The following ANK3 variants were observed in gnomAD, a reference collection of about 807,000 sequenced individuals.
The protein encoded by ANK3 is ankyrin-3.
In ANK3, 57 loss-of-function variants were observed where a neutral mutation model predicts 370.9. That is an observed-to-expected ratio of 0.15 (90% CI 0.12 to 0.19). The LOEUF (loss-of-function observed/expected upper bound fraction) is 0.19, where lower values mean the gene tolerates loss of function less well. Among genes scored for constraint, ANK3 ranks in the 10% least tolerant of loss-of-function variants. ANK3 has a pLI of 1.00. For synonymous variants in ANK3, 1,929 were observed against 1,946.3 expected, an observed-to-expected ratio of 0.99 and a Z score of 0.23; for missense variants, 4,439 against 5,302.1, an observed-to-expected ratio of 0.84 and a Z score of 5.06.
intron 2 of ANK3, among the ~76,000 whole-genome samples, chr10:60,443,304 C>CGT (rs1353433626): frequency 2.0e-5 from 3 of 151,288 alleles, no homozygotes; most frequent in East Asian, 1.9e-4. Context: ...TGTGTGTGTG[C>CGT]GTGTGTGTGT....
chr10:60,208,775 T>C (rs1048102799), intron 9 of ANK3, among the ~76,000 whole-genome samples: 2 of 152,342 alleles, frequency 1.3e-5, no homozygotes, highest in Admixed American at 6.5e-5. Context: ...TTGAAGACTA[T>C]ACTGATTTGA....
At chr10:60,705,131 G>T (rs74717140) in intron 1 of ANK3, among the ~76,000 whole-genome samples, 1 of 152,040 alleles carries the variant, frequency 6.6e-6, no homozygotes. Context: ...AATATTAAAG[G>T]CTGAGATTTC....
chr10:60,576,539 G>A (rs1036786701), intron 2 of ANK3, among the ~76,000 whole-genome samples: 18 of 152,124 alleles, frequency 1.2e-4, no homozygotes, highest in Non-Finnish European at 2.2e-4. Flanking sequence ...AAAACAAAAC[G>A]AAGCAACAAC....
At chr10:60,677,733 T>C (rs1371819270) in intron 1 of ANK3, among the ~76,000 whole-genome samples, 2 of 145,890 alleles carry the variant, frequency 1.4e-5, no homozygotes, top group Non-Finnish European at 3.0e-5. Flanking sequence ...AAGCTGTTTC[T>C]CACAACCTCA....
At chr10:60,272,693 T>C (rs2098016642) in intron 4 of ANK3, among the ~76,000 whole-genome samples, 1 of 152,112 alleles carries the variant, frequency 6.6e-6, no homozygotes, top group African/African-American at 2.4e-5. Flanking sequence ...TTGGCCAGGA[T>C]GGCCTTGATC....
At chr10:60,662,507 A>G (rs1191788950) in intron 1 of ANK3, among the ~76,000 whole-genome samples, 5 of 152,166 alleles carry the variant, frequency 3.3e-5, no homozygotes, top group African/African-American at 1.2e-4. Flanking sequence ...AATCCTAACA[A>G]TCTAACCTAC....
At chr10:60,150,237 T>C (rs1333699231) in intron 23 of ANK3, among the ~76,000 whole-genome samples, 1 of 152,142 alleles carries the variant, frequency 6.6e-6, no homozygotes, top group Non-Finnish European at 1.5e-5. Context: ...TCTGCACCCT[T>C]GTCCCCACTC....
intron 1 of ANK3, among the ~76,000 whole-genome samples, chr10:60,685,903 A>G (rs2079261424): frequency 6.6e-6 from 1 of 152,230 alleles, no homozygotes. Context: ...ATATAAACAT[A>G]TAAATAGAAT....
At chr10:60,454,382 C>T (rs555415467) in intron 2 of ANK3, among the ~76,000 whole-genome samples, 1 of 152,114 alleles carries the variant, frequency 6.6e-6, no homozygotes, top group Non-Finnish European at 1.5e-5. Flanking sequence ...TCCTATCCAC[C>T]GACTGCCCTC....
chr10:60,309,485 T>G (rs927973327), intron 1 of ANK3, among the ~76,000 whole-genome samples: 2 of 152,180 alleles, frequency 1.3e-5, no homozygotes, highest in South Asian at 4.1e-4. Context: ...ATTTTGAAAA[T>G]GTAATGAACT....
intron 26 of ANK3, among the ~76,000 whole-genome samples, chr10:60,109,760 C>T (rs1282951484): frequency 6.6e-6 from 1 of 152,202 alleles, no homozygotes; most frequent in South Asian, 2.1e-4. Context: ...CTGTCATTGG[C>T]CTTTTATTAA....
At chr10:60,555,424 G>T (rs2077184422) in intron 2 of ANK3, among the ~76,000 whole-genome samples, 1 of 152,030 alleles carries the variant, frequency 6.6e-6, no homozygotes, top group Non-Finnish European at 1.5e-5. Flanking sequence ...AGTGGGCCAT[G>T]ATGGAGCCAC....
intron 17 of ANK3, among the ~76,000 whole-genome samples, chr10:60,186,099 A>T (rs966787719): frequency 1.3e-5 from 2 of 152,222 alleles, no homozygotes; most frequent in African/African-American, 4.8e-5. Flanking sequence ...AAAACGGATG[A>T]GCAAGGAGCA....
At chr10:60,660,791 G>C (rs2078925629) in intron 1 of ANK3, among the ~76,000 whole-genome samples, 1 of 152,066 alleles carries the variant, frequency 6.6e-6, no homozygotes. Flanking sequence ...GGGAGCATTA[G>C]AGGCCAATAA....
intron 2 of ANK3, among the ~76,000 whole-genome samples, chr10:60,494,578 C>T (rs567041701): frequency 5.3e-5 from 8 of 152,142 alleles, no homozygotes; most frequent in South Asian, 2.1e-4. Context: ...ATATAGTTTG[C>T]GGTAAATATT....
chr10:60,454,778 G>T (rs2064704330), intron 2 of ANK3, among the ~76,000 whole-genome samples: 1 of 152,158 alleles, frequency 6.6e-6, no homozygotes, highest in Non-Finnish European at 1.5e-5. Flanking sequence ...TGGGCTTGAA[G>T]CGCTAATTGA....
rs1015863760 is a variant in ANK3 at position 60,029,625 on chromosome 10, G to A, written c.*221C>T. ...ATTGCACACGCGCCAATCCGGAAAT[G>A]AAAGTGATTTCCATGCTCTGTAAAT... On this transcript the variant is annotated 3_prime_UTR_variant, in exon 44 of 44. Coordinates refer to ENST00000280772, the MANE Select transcript of ANK3 (RefSeq NM_020987.5). 1 of 152,540 alleles carries A rather than the reference G, an allele frequency of 6.6e-6. No individual in the cohort carries two copies. The allele number at this position is 152,540 out of a possible 1,614,324, so 9.4% of individuals were successfully genotyped here.
intron 2 of ANK3, among the ~76,000 whole-genome samples, chr10:60,468,459 A>G (rs951545229): frequency 2.6e-5 from 4 of 152,138 alleles, no homozygotes; most frequent in African/African-American, 9.7e-5. Context: ...CTGTACTCAT[A>G]TTTAAGTATG....
intron 35 of ANK3, 151 bp from the exon 36 acceptor site, chr10:60,080,769 C>T (rs1367948553): frequency 2.8e-6 from 2 of 721,416 alleles, no homozygotes; most frequent in Non-Finnish European, 4.5e-6. Flanking sequence ...TAACCCCACC[C>T]CCCATGTCTT....
Sources: allele counts gnomAD v4.1 joint callset (sites outside exome capture counted in the v4.1 genomes callset), GRCh38; gene constraint gnomAD v4.1.1; transcripts MANE v1.5; gene names NCBI Gene and HGNC (gene_info 2026-07-23, HGNC 2026-07-21).